The following LUZP1 variants were observed in gnomAD, a reference collection of about 807,000 sequenced individuals.
The protein encoded by LUZP1 is filamin mechanobinding actin cross-linking protein.
A neutral mutation model predicts 71.3 loss-of-function variants in LUZP1; 25 were observed. The ratio of observed to expected loss-of-function variants is 0.35; its 90% confidence interval spans 0.26 to 0.49. LUZP1 has a LOEUF of 0.49. Among genes scored for constraint, LUZP1 ranks in the 20% least tolerant of loss-of-function variants. The pLI, the probability that LUZP1 is intolerant of heterozygous loss-of-function variation, is 0.99. For synonymous variants in LUZP1, 481 were observed against 506.4 expected (o/e 0.95, Z 0.67); for missense variants, 1,142 against 1,300.8 (o/e 0.88, Z 1.88).
chr1:23,142,136 G>A (rs183164836), intron 2 of LUZP1, among the ~76,000 whole-genome samples: 86 of 151,462 alleles, frequency 5.7e-4, no homozygotes, highest in Non-Finnish European at 6.3e-4. Flanking sequence ...ATGAGCCACC[G>A]CATCCGGCAA....
intron 2 of LUZP1, among the ~76,000 whole-genome samples, chr1:23,167,776 C>A (rs1644521542): frequency 6.6e-6 from 1 of 152,110 alleles, no homozygotes. Context: ...GCGGCCGCTG[C>A]GGGTCGCCAG....
At chr1:23,131,133 C>T (rs750041840) in intron 2 of LUZP1, among the ~76,000 whole-genome samples, 1 of 140,080 alleles carries the variant, frequency 7.1e-6, no homozygotes, top group South Asian at 2.4e-4. Context: ...ACAGGAGAAT[C>T]GCTTGAACCC....
intron 1 of LUZP1, among the ~76,000 whole-genome samples, chr1:23,173,924 C>T (rs1321662373): frequency 6.6e-6 from 1 of 152,110 alleles, no homozygotes; most frequent in Non-Finnish European, 1.5e-5. Context: ...AAAAGTAAGA[C>T]ACCTAATAGA....
intron 2 of LUZP1, among the ~76,000 whole-genome samples, chr1:23,147,303 T>C (rs1187395442): frequency 6.6e-6 from 1 of 150,454 alleles, no homozygotes; most frequent in African/African-American, 2.4e-5. Flanking sequence ...TAGCAAGGCA[T>C]GGTGGTGGGA....
Position 23,093,764 on chromosome 1 carries a change from T to C in LUZP1, c.498A>G (p.Glu166=). The C allele has an allele frequency of 6.2e-7, 1 of 1,613,942 alleles. No homozygotes were observed. Among genetic ancestry groups the C allele is most frequent in the Non-Finnish European group, 8.5e-7 (1 of 1,180,022 alleles). The change falls in exon 4 of 5, where the codon GAA becomes GAG. Residue 166 remains glutamate (E), a synonymous_variant. Coordinates refer to ENST00000302291, the Ensembl canonical transcript of LUZP1. This position sits in a 1 kb window ranked among gnomAD's most constrained non-coding sequence, Gnocchi z 4.2. ...TTTTATCCAGGCGGTCCTCAGAAGA[T>C]TCTAGTTCTTTCACTTTGACTCTGA...
chr1:23,101,779 T>C (rs574331597), intron 3 of LUZP1, among the ~76,000 whole-genome samples: 4 of 152,162 alleles, frequency 2.6e-5, no homozygotes, highest in African/African-American at 4.8e-5. Context: ...AAAAGCAAAG[T>C]AGACACCTCT....
At chr1:23,134,433 G>A (rs1400249838) in intron 2 of LUZP1, among the ~76,000 whole-genome samples, 2 of 152,126 alleles carry the variant, frequency 1.3e-5, no homozygotes, top group East Asian at 1.9e-4. Context: ...AGTGAAGTAT[G>A]AACACACCAC....
chr1:23,141,178 G>A (rs1187133078), intron 2 of LUZP1: 1 of 152,354 alleles, frequency 6.6e-6, no homozygotes, highest in Non-Finnish European at 1.5e-5. Context: ...TGGAGAACGG[G>A]ACACGGCCTG....
chr1:23,106,414 C>CTTGA (rs1428306650), intron 3 of LUZP1, among the ~76,000 whole-genome samples: 27 of 152,076 alleles, frequency 1.8e-4, no homozygotes, highest in African/African-American at 6.5e-4. Flanking sequence ...AGACCAGCCT[C>CTTGA]GGCAACATGG....
Position 23,089,587 on chromosome 1 carries a change from G to A in LUZP1, c.3073-534C>T, listed in dbSNP as rs114557392. Among the ~76,000 whole-genome samples the A allele has an allele frequency of 3.2e-3, 406 of 126,286 alleles. 2 individuals are homozygous for A. The highest frequency in any genetic ancestry group is 0.011 in the African/African-American group (391 of 35,482). 82.8% of individuals were successfully genotyped at this position (126,286 alleles called of 152,430 possible). A position where few individuals can be genotyped will look rare whatever the true frequency, so the allele number is the denominator to read the frequency against. ...CCCAAATAGCTGTCTTTCTCCCTAC[G>A]CCTAGAATTCTACCTTTTTTTTTGA... On this transcript the variant is annotated intron_variant, in intron 4 of 4. Coordinates refer to ENST00000302291, the Ensembl canonical transcript of LUZP1.
At chr1:23,158,216 C>T (rs879451518) in intron 2 of LUZP1, among the ~76,000 whole-genome samples, 5 of 152,142 alleles carry the variant, frequency 3.3e-5, no homozygotes, top group Non-Finnish European at 7.3e-5. Flanking sequence ...TTCCAGAGTG[C>T]CCCTGAAGGC....
intron 2 of LUZP1, among the ~76,000 whole-genome samples, chr1:23,136,472 A>AC (rs2124697078): frequency 6.6e-6 from 1 of 152,340 alleles, no homozygotes; most frequent in Non-Finnish European, 1.5e-5. Context: ...GCCCCCCAGG[A>AC]CCTTATCAAC....
chr1:23,092,662 A>T (rs749617088), exon 4 of LUZP1: 1 of 1,614,118 alleles, frequency 6.2e-7, no homozygotes, highest in Admixed American at 1.7e-5. Context: ...GTCTCAGAGG[A>T]GGTGTCAGAA....
intron 2 of LUZP1, among the ~76,000 whole-genome samples, chr1:23,142,821 T>C (rs1644315676): frequency 1.3e-5 from 2 of 151,532 alleles, no homozygotes; most frequent in Admixed American, 1.3e-4. Flanking sequence ...TGCAACTTAC[T>C]ATGGATCAGG....
intron 2 of LUZP1, among the ~76,000 whole-genome samples, chr1:23,131,073 G>A (rs1304183708): frequency 2.0e-5 from 3 of 151,822 alleles, no homozygotes; most frequent in African/African-American, 7.3e-5. Context: ...ACAAAAATTA[G>A]CCAGGCGTGG....
chr1:23,120,318 G>T (rs1644120271), intron 2 of LUZP1, among the ~76,000 whole-genome samples: 1 of 152,032 alleles, frequency 6.6e-6, no homozygotes. Context: ...AAGGGCCTCA[G>T]AAGTGCATGC....
chr1:23,096,019 A>C (rs1018051380), intron 3 of LUZP1, among the ~76,000 whole-genome samples: 1 of 152,150 alleles, frequency 6.6e-6, no homozygotes, highest in Non-Finnish European at 1.5e-5. Flanking sequence ...TCCATCTTTT[A>C]CTTGACTGGG....
intron 2 of LUZP1, among the ~76,000 whole-genome samples, chr1:23,117,578 A>G (rs1644095595): frequency 6.7e-6 from 1 of 149,910 alleles, no homozygotes; most frequent in Non-Finnish European, 1.5e-5. Context: ...ATAATTTTAA[A>G]TAAGTACTAA....
At chr1:23,106,521 A>G (rs1283101391) in intron 3 of LUZP1, among the ~76,000 whole-genome samples, 1 of 152,046 alleles carries the variant, frequency 6.6e-6, no homozygotes, top group East Asian at 1.9e-4. Context: ...GGGAGGATCA[A>G]CTGAGCCTGG....
Sources: allele counts gnomAD v4.1 joint callset (sites outside exome capture counted in the v4.1 genomes callset), GRCh38; gene constraint gnomAD v4.1.1; non-coding constraint Gnocchi (gnomAD v3.1); transcripts MANE v1.5; gene names NCBI Gene and HGNC (gene_info 2026-07-23, HGNC 2026-07-21).